The following IRF9 variants were observed in gnomAD, a reference collection of about 807,000 sequenced individuals.
IRF9 encodes the protein interferon regulatory factor 9.
A neutral mutation model predicts 44.1 loss-of-function variants in IRF9; 13 were observed. That is an observed-to-expected ratio of 0.29 (90% confidence interval 0.19 to 0.47). IRF9 has a LOEUF of 0.47. IRF9 is among the 20% of genes least tolerant of loss of function. The pLI is 1.00. For missense variants in IRF9, 373 were observed against 496.1 expected (o/e 0.75, Z 2.36); for synonymous variants, 189 against 188.5 (o/e 1.00, Z -0.02).
intron 7 of IRF9, chr14:24,165,425 A>G (rs1215038176): frequency 3.4e-6 from 2 of 582,854 alleles, no homozygotes; most frequent in Non-Finnish European, 6.2e-6. Flanking sequence ...TCCAGCTCCT[A>G]CTCAATTCTA....
chr14:24,163,260 G>C (rs2038482371), intron 3 of IRF9, 111 bp downstream of exon 3: 3 of 1,540,312 alleles, frequency 1.9e-6, no homozygotes, highest in Non-Finnish European at 2.6e-6. Flanking sequence ...CCCTTGGGGG[G>C]CTGCAACCCA....
At chr14:24,162,023 AAG>A in intron 1 of IRF9, 119 bp from the exon 2 acceptor site, 1 of 914,004 alleles carries the variant, frequency 1.1e-6, no homozygotes, top group Non-Finnish European at 1.7e-6. Context: ...TTGGAGCTAA[AAG>A]AAGATGGATG....
At chr14:24,165,819 T>G (rs2038514784) in intron 7 of IRF9, 28 bp from the exon 8 acceptor site, 1 of 1,545,932 alleles carries the variant, frequency 6.5e-7, no homozygotes. Context: ...CTTTTTGTTC[T>G]TCGAACCCTT....
chr14:24,161,510 T>C (rs2038455622), intron 1 of IRF9, among the ~76,000 whole-genome samples, 172 bp downstream of exon 1: 6 of 152,088 alleles, frequency 3.9e-5, no homozygotes. Context: ...AAGGGCCAGC[T>C]CCCCAGACCC....
At chr14:24,161,752 A>G (rs1342430472) in intron 1 of IRF9, among the ~76,000 whole-genome samples, 2 of 152,188 alleles carry the variant, frequency 1.3e-5, no homozygotes, top group Admixed American at 1.3e-4. Context: ...GATGGATCTC[A>G]GCAGAACCTA....
Position 24,163,118 on chromosome 14 carries a change from G to C in IRF9, c.333G>C (p.Val111=). 6.2e-7 allele frequency: 1 copy of C among 1,614,120 alleles called. No homozygotes were observed. Among genetic ancestry groups the C allele is most frequent in the Non-Finnish European group, 8.5e-7 (1 of 1,179,996 alleles). Residue 111 remains valine (V), a synonymous_variant, in exon 3 of 9, where the codon GTG becomes GTC. Transcript: ENST00000396864. Reference sequence around the variant, plus strand: ...TGGATGTTGCTGAGCCCTACAAGGTGTATCAGTTGCTGCCACCAGGAATCG... The same window carrying C: ...TGGATGTTGCTGAGCCCTACAAGGTCTATCAGTTGCTGCCACCAGGAATCG... The part of the protein sequence containing the change: ...GRMDVAEPYK[V]YQLLPPGIVS...
Position 24,163,469 on chromosome 14 carries a change from C to T in IRF9, c.456C>T (p.Cys152=), listed in dbSNP as rs200581819. ...AGGAAGAGGATGCCATGCAGAACTG[C>T]ACACTCAGTCCCTCTGTGCTCCAGG... ...RKEEEDAMQN[C]TLSPSVLQDS... The change falls in exon 4 of 9, where the codon TGC becomes TGT. Residue 152 remains cysteine (C), a synonymous_variant. Transcript: ENST00000396864. 11 of 1,614,188 alleles carry T rather than the reference C, an allele frequency of 6.8e-6. No homozygotes were observed. The highest frequency in any genetic ancestry group is 9.3e-6 in the Non-Finnish European group (11 of 1,180,014).
chr14:24,164,565 G>T lies in IRF9; in HGVS notation c.650-49G>T, dbSNP rs748812171. 1.6e-5 allele frequency: 24 copies of T among 1,519,124 alleles called. No homozygotes were observed. In the African/African-American group the frequency reaches 2.9e-4, roughly 18 times the overall value. The allele number at this position is 1,519,124 out of a possible 1,614,324, so 94.1% of individuals were successfully genotyped here. ...GTTGTTCCCCTGGGGAGGGGCTGCT[G>T]CCAGCCTGCATGCTCCTCCAGCACC... is the stretch of plus-strand genomic sequence containing the variant. On this transcript the variant is annotated intron_variant, in intron 6 of 8. Coordinates refer to ENST00000396864, the MANE Select transcript of IRF9 (RefSeq NM_006084.5). The surrounding 1 kb of genome is among the most constrained non-coding windows in gnomAD (Gnocchi z 5.2).
chr14:24,164,040 C>G lies in IRF9; in HGVS notation c.578-23C>G. On this transcript the variant is annotated intron_variant, in intron 5 of 8. Transcript: ENST00000396864. This position sits in a 1 kb window ranked among gnomAD's most constrained non-coding sequence, Gnocchi z 5.2. ...ACTCCCCAGTCCCACTCTGAATGAC[C>G]AGTGCCTTTGCTTCCCTTCCAGTTA... The G allele has an allele frequency of 6.2e-7, 1 of 1,613,734 alleles. No individual in the cohort carries two copies. The highest frequency in any genetic ancestry group is 8.5e-7 in the Non-Finnish European group (1 of 1,179,690).
Position 24,164,914 on chromosome 14 carries a change from A to G in IRF9, c.950A>G (p.Asn317Ser). 1.9e-6 allele frequency: 3 copies of G among 1,612,968 alleles called. No individual in the cohort carries two copies. The highest frequency in any genetic ancestry group is 1.1e-5 in the South Asian group (1 of 91,072). Residue 317 changes from asparagine to serine, a missense_variant, in exon 7 of 9, where the codon AAC becomes AGC. Around this residue, in one of 2 missense-constraint regions of IRF9, gnomAD observed 146 missense variants for 240.8 expected, o/e 0.61. Transcript: ENST00000396864. This position sits in a 1 kb window ranked among gnomAD's most constrained non-coding sequence, Gnocchi z 5.2. ...PGPGPHLLPS[N>S]ECVELFRTAY... ...CCAGGCCCGCATCTGCTGCCCAGCA[A>G]CGAGTGCGTGGAGCTCTTCAGAACC... is the stretch of plus-strand genomic sequence containing the variant.
intron 3 of IRF9, 85 bp downstream of exon 3, chr14:24,163,234 C>T (rs1290264807): frequency 1.3e-6 from 2 of 1,561,272 alleles, no homozygotes; most frequent in Non-Finnish European, 1.7e-6. Context: ...AGGCTTATAG[C>T]TCTGCCCTGT....
Position 24,164,272 on chromosome 14 carries a change from A to G in IRF9, c.649+138A>G, listed in dbSNP as rs914098968. 18 of 776,348 alleles carry G rather than the reference A, an allele frequency of 2.3e-5. No individual in the cohort carries two copies. The highest frequency in any genetic ancestry group is 3.6e-5 in the Non-Finnish European group (17 of 469,986). 48.1% of individuals were successfully genotyped at this position (776,348 alleles called of 1,614,324 possible). On this transcript the variant is annotated intron_variant, in intron 6 of 8. Transcript: ENST00000396864. This position sits in a 1 kb window ranked among gnomAD's most constrained non-coding sequence, Gnocchi z 5.2. ...ACCATAGCCCTAGGCAGTGGTTTCT[A>G]GGTGGCGAGAATTCCATATGCCTGG...
In IRF9 at chr14:24,162,164, G is replaced by A. The variant is rs1166537329; in HGVS notation, c.20G>A (p.Arg7His). 1 of 1,614,042 alleles carries A rather than the reference G, an allele frequency of 6.2e-7. No individual in the cohort carries two copies. ...CCCAGGATGGCATCAGGCAGGGCAC[G>A]CTGCACCCGAAAACTCCGGAACTGG... MASGRA[R>H]CTRKLRNWVV... The change falls in exon 2 of 9, where the codon CGC becomes CAC. Residue 7 changes from arginine (R) to histidine (H), a missense_variant. Coordinates refer to ENST00000396864, the MANE Select transcript of IRF9 (RefSeq NM_006084.5).
At chr14:24,165,305 A>G (rs2038509741) in intron 7 of IRF9, 2 of 663,296 alleles carry the variant, frequency 3.0e-6, no homozygotes, top group Non-Finnish European at 5.5e-6. Flanking sequence ...GCCTTCTCCT[A>G]CGTACACACA....
chr14:24,163,709 C>T, intron 4 of IRF9, 169 bp from the exon 5 acceptor site: 1 of 854,376 alleles, frequency 1.2e-6, no homozygotes, highest in East Asian at 2.7e-5. Flanking sequence ...GTTGTGGCAT[C>T]TGCCTGTAAT....
chr14:24,165,207 A>G (rs372155436), intron 7 of IRF9: 3 of 702,612 alleles, frequency 4.3e-6, no homozygotes, highest in East Asian at 2.7e-5. Context: ...CAAGAGTGTC[A>G]TATCTTGGAG....
chr14:24,162,231 C>T lies in IRF9; in HGVS notation c.87C>T (p.Cys29=), dbSNP rs145197850. 8,124 of 1,614,118 alleles carry T rather than the reference C, an allele frequency of 5.0e-3. 26 individuals carry two copies. The highest frequency in any genetic ancestry group is 6.2e-3 in the Non-Finnish European group (7,264 of 1,180,020). Residue 29 remains cysteine, a synonymous_variant, in exon 2 of 9, where the codon TGC becomes TGT. Transcript: ENST00000396864. ...AGAGTGGGCAGTTTCCCGGAGTGTG[C>T]TGGGATGATACAGCTAAGACCATGT... The part of the protein sequence containing the change: ...QVESGQFPGV[C]WDDTAKTMFR...
intron 2 of IRF9, chr14:24,162,568 A>G (rs895699317): frequency 8.5e-6 from 4 of 471,244 alleles, no homozygotes; most frequent in African/African-American, 8.0e-5. Context: ...TCGGGAGGCC[A>G]AGGTGGGTGG....
At chr14:24,162,807 A>G in intron 2 of IRF9, 159 bp from the exon 3 acceptor site, 1 of 625,172 alleles carries the variant, frequency 1.6e-6, no homozygotes, top group Non-Finnish European at 2.7e-6. Context: ...CAAAAAAAAA[A>G]AAAAAAAATT....
Sources: allele counts gnomAD v4.1 joint callset (sites outside exome capture counted in the v4.1 genomes callset), GRCh38; gene constraint gnomAD v4.1.1; regional missense constraint gnomAD v4.1.1; non-coding constraint Gnocchi (gnomAD v3.1); transcripts MANE v1.5; gene names NCBI Gene and HGNC (gene_info 2026-07-23, HGNC 2026-07-21).